Variants in FRMD3 observed in about 807,000 individuals in gnomAD.
FRMD3 encodes the protein FERM domain-containing protein 3.
Under a neutral mutation model 70.2 loss-of-function variants are expected in FRMD3, and 33 were observed. The ratio of observed to expected loss-of-function variants is 0.47; its 90% CI spans 0.36 to 0.63. The LOEUF (loss-of-function observed/expected upper bound fraction) is 0.63. Among genes scored for constraint, FRMD3 ranks in the 20% least tolerant of loss-of-function variants. The pLI is 0.00. For synonymous variants in FRMD3, 279 were observed against 255.9 expected (o/e 1.09, Z -0.86); for missense variants, 632 against 711.4 (o/e 0.89, Z 1.27).
At chr9:83,436,208 T>A (rs1587850460) in intron 1 of FRMD3, among the ~76,000 whole-genome samples, 1 of 152,134 alleles carries the variant, frequency 6.6e-6, no homozygotes, top group East Asian at 1.9e-4. Flanking sequence ...CACCTTGAGA[T>A]AAAGCAGCTC....
At chr9:83,520,457 T>C (rs1829546792) in intron 1 of FRMD3, among the ~76,000 whole-genome samples, 1 of 152,238 alleles carries the variant, frequency 6.6e-6, no homozygotes. Context: ...TCCTCTCTGC[T>C]TCCAGAGTTA....
At position 83,412,910 on chromosome 9, in the gene FRMD3, G is replaced by A. The variant is rs112848069; in HGVS notation, c.148-23202C>T. Among the ~76,000 whole-genome samples the A allele has an allele frequency of 6.0e-3, 916 of 152,138 alleles. 12 individuals are homozygous for A. The highest frequency in any genetic ancestry group is 0.02 in the African/African-American group (831 of 41,498). The stretch of plus-strand genomic sequence containing the variant: ...CTCAGGAGGCTGAGACAGGAGAATC[G>A]CTCGAACCCGGGAGATGGAGGTTGC... On this transcript the variant is annotated intron_variant, in intron 1 of 13. Transcript: ENST00000304195.
intron 3 of FRMD3, among the ~76,000 whole-genome samples, chr9:83,361,322 A>C (rs1315348892): frequency 6.6e-6 from 1 of 152,264 alleles, no homozygotes; most frequent in Admixed American, 6.5e-5. Context: ...AATCAATAAC[A>C]TGCATAACAT....
rs904703074 is a variant in FRMD3, at chr9:83,247,881, C to T, written c.*37G>A. On this transcript the variant is annotated 3_prime_UTR_variant, in exon 14 of 14. Transcript: ENST00000304195. Reference sequence around the variant, plus strand: ...TTTGCTGAAAAAAAGAAATCACTAGCATTGAATATAGCCCTTAGTCACGTG... The same window carrying T: ...TTTGCTGAAAAAAAGAAATCACTAGTATTGAATATAGCCCTTAGTCACGTG... 2.5e-6 allele frequency: 4 copies of T among 1,598,764 alleles called. No homozygotes were observed. The Admixed American group carries it at 6.8e-5, about 27-fold the overall frequency.
intron 3 of FRMD3, among the ~76,000 whole-genome samples, chr9:83,363,463 A>T (rs1245335334): frequency 6.6e-6 from 1 of 152,086 alleles, no homozygotes; most frequent in East Asian, 1.9e-4. Context: ...TGCTGTAATA[A>T]ACACCCTTGC....
intron 1 of FRMD3, among the ~76,000 whole-genome samples, chr9:83,443,439 C>T (rs746341725): frequency 6.6e-6 from 1 of 152,174 alleles, no homozygotes; most frequent in Non-Finnish European, 1.5e-5. Flanking sequence ...TGGTTTCCAG[C>T]TTCACCCATG....
intron 1 of FRMD3, among the ~76,000 whole-genome samples, chr9:83,531,817 A>C (rs1829797113): frequency 6.6e-6 from 1 of 152,244 alleles, no homozygotes; most frequent in African/African-American, 2.4e-5. Context: ...TTGAACATTT[A>C]CAACATGCTT....
chr9:83,466,209 G>A (rs761505573), intron 1 of FRMD3, among the ~76,000 whole-genome samples: 11 of 152,174 alleles, frequency 7.2e-5, no homozygotes, highest in Non-Finnish European at 1.3e-4. Context: ...AGGGATCCCC[G>A]AGGGAAGCAG....
At position 83,414,255 on chromosome 9, in the gene FRMD3, T is replaced by C. The variant is rs116130143; in HGVS notation, c.148-24547A>G. On this transcript the variant is annotated intron_variant, in intron 1 of 13. Transcript: ENST00000304195. Reference sequence around the variant, plus strand: ...ACAACTCTGTAAATTTACTGGGAAATCACTGAATTGTATTCTTAAATGAGT... The same window carrying C: ...ACAACTCTGTAAATTTACTGGGAAACCACTGAATTGTATTCTTAAATGAGT... 4.0e-3 allele frequency among the ~76,000 whole-genome samples: 605 copies of C among 152,254 alleles called. 4 individuals are homozygous for C. The highest frequency in any genetic ancestry group is 0.014 in the African/African-American group (574 of 41,536).
At chr9:83,300,264 AGAGAAGATGCCCT>A (rs991282385) in intron 10 of FRMD3, among the ~76,000 whole-genome samples, 8 of 152,326 alleles carry the variant, frequency 5.3e-5, no homozygotes, top group Admixed American at 3.9e-4. Flanking sequence ...CCTGGGGGCC[AGAGAAGATGCCCT>A]GAGGAAGGGA....
chr9:83,496,604 T>C (rs973704906), intron 1 of FRMD3, among the ~76,000 whole-genome samples: 1 of 151,740 alleles, frequency 6.6e-6, no homozygotes, highest in Non-Finnish European at 1.5e-5. Flanking sequence ...AGGGATATAA[T>C]GACAGAAAGT....
At chr9:83,378,792 A>G (rs1825259914) in intron 2 of FRMD3, among the ~76,000 whole-genome samples, 1 of 72,024 alleles carries the variant, frequency 1.4e-5, no homozygotes, top group African/African-American at 5.6e-5. Context: ...TTATATATGT[A>G]TAATTTATAT....
At chr9:83,480,895 C>T (rs944180545) in intron 1 of FRMD3, among the ~76,000 whole-genome samples, 6 of 152,206 alleles carry the variant, frequency 3.9e-5, no homozygotes, top group South Asian at 2.1e-4. Flanking sequence ...GGTCCTGAAA[C>T]GAATCTGCCA....
intron 3 of FRMD3, among the ~76,000 whole-genome samples, chr9:83,364,699 T>A (rs1824733159): frequency 6.6e-6 from 1 of 152,246 alleles, no homozygotes; most frequent in Non-Finnish European, 1.5e-5. Flanking sequence ...ACCCCATGAT[T>A]ATAAAACATA....
intron 13 of FRMD3, among the ~76,000 whole-genome samples, chr9:83,285,983 A>G (rs2118944293): frequency 6.6e-6 from 1 of 152,296 alleles, no homozygotes; most frequent in African/African-American, 2.4e-5. Flanking sequence ...GTGCCTAGGA[A>G]CTGATTTTGT....
At chr9:83,348,389 T>C (rs1824032740) in intron 4 of FRMD3, among the ~76,000 whole-genome samples, 1 of 152,234 alleles carries the variant, frequency 6.6e-6, no homozygotes, top group African/African-American at 2.4e-5. Context: ...CCATTCCATT[T>C]ACATGAAATG....
intron 1 of FRMD3, among the ~76,000 whole-genome samples, chr9:83,401,541 G>A (rs1169940537): frequency 6.6e-6 from 1 of 152,166 alleles, no homozygotes; most frequent in Non-Finnish European, 1.5e-5. Flanking sequence ...CAGTAACAAA[G>A]AATTCCAAAA....
intron 1 of FRMD3, among the ~76,000 whole-genome samples, chr9:83,392,016 A>G (rs1254986901): frequency 6.6e-6 from 1 of 152,172 alleles, no homozygotes; most frequent in Admixed American, 6.5e-5. Context: ...GCATTGGTCC[A>G]GGAGGATTTC....
intron 3 of FRMD3, among the ~76,000 whole-genome samples, chr9:83,367,177 C>T (rs536830096): frequency 4.6e-5 from 7 of 152,190 alleles, no homozygotes; most frequent in African/African-American, 1.4e-4. Flanking sequence ...ATCTGTTATC[C>T]GAGTACTCTT....
Sources: allele counts gnomAD v4.1 joint callset (sites outside exome capture counted in the v4.1 genomes callset), GRCh38; gene constraint gnomAD v4.1.1; transcripts MANE v1.5; gene names NCBI Gene and HGNC (gene_info 2026-07-23, HGNC 2026-07-21).